The following FGGY variants were observed in gnomAD, a reference collection of about 807,000 sequenced individuals.
FGGY encodes the protein FGGY carbohydrate kinase domain containing.
Under a neutral mutation model 71.3 loss-of-function variants are expected in FGGY, and 72 were observed. The ratio of observed to expected loss-of-function variants is 1.01; its 90% confidence interval spans 0.84 to 1.23. FGGY has a LOEUF of 1.23. Ranked by LOEUF, FGGY falls within the 50% of genes most tolerant of loss-of-function variation. FGGY has a pLI of 0.00. For synonymous variants in FGGY, 251 were observed against 250.3 expected (o/e 1.00, Z -0.02); for missense variants, 668 against 682.3 (o/e 0.98, Z 0.23).
chr1:59,299,818 G>T (rs1008593346), intron 1 of FGGY, among the ~76,000 whole-genome samples: 3 of 152,152 alleles, frequency 2.0e-5, no homozygotes. Context: ...AGAGAGTGAC[G>T]ATGTGAGTGG....
chr1:59,589,953 G>A (rs1335629391), intron 8 of FGGY, among the ~76,000 whole-genome samples: 2 of 152,012 alleles, frequency 1.3e-5, no homozygotes, highest in African/African-American at 4.8e-5. Flanking sequence ...AGAACTGAAG[G>A]AAATAGAGAC....
At position 59,705,519 on chromosome 1, in the gene FGGY, T is replaced by C. The variant is rs1447167367; in HGVS notation, c.1512+31386T>C. Among the ~76,000 whole-genome samples the C allele has an allele frequency of 2.0e-5, 3 of 152,200 alleles. No individual in the cohort carries two copies. In the East Asian group the frequency reaches 5.8e-4, roughly 29 times the overall value. On this transcript the variant is annotated intron_variant, in intron 14 of 15. Transcript: ENST00000303721. The stretch of plus-strand genomic sequence containing the variant: ...GTCCCTGTGTTTGTTAAAGACATTC[T>C]TAGTAATTTTATCATTAATTATGGG...
At position 59,690,171 on chromosome 1, in the gene FGGY, G is replaced by A. The variant is rs545943089; in HGVS notation, c.1512+16038G>A. On this transcript the variant is annotated intron_variant, in intron 14 of 15. Coordinates refer to ENST00000303721, the MANE Select transcript of FGGY (RefSeq NM_018291.5). ...ACTAGGAAACAACAGGCTTTAGTGA[G>A]GTTCCAACATATTATAGTATGGTGG... Among the ~76,000 whole-genome samples the A allele has an allele frequency of 7.4e-4, 112 of 152,254 alleles. 1 individual carries two copies. Among genetic ancestry groups the A allele is most frequent in the African/African-American group, 2.6e-3 (108 of 41,536 alleles).
At chr1:59,532,488 A>C (rs1432117045) in intron 7 of FGGY, among the ~76,000 whole-genome samples, 1 of 152,212 alleles carries the variant, frequency 6.6e-6, no homozygotes, top group Non-Finnish European at 1.5e-5. Context: ...CAAAACTTAT[A>C]AAAGAACTCA....
chr1:59,317,489 T>G (rs1175110235), intron 1 of FGGY, among the ~76,000 whole-genome samples: 1 of 152,230 alleles, frequency 6.6e-6, no homozygotes, highest in African/African-American at 2.4e-5. Flanking sequence ...AAAGGAATAA[T>G]GCTTTCCACT....
intron 11 of FGGY, among the ~76,000 whole-genome samples, chr1:59,653,402 G>A (rs553931909): frequency 6.6e-6 from 1 of 152,148 alleles, no homozygotes; most frequent in East Asian, 1.9e-4. Context: ...AGCAATCAGC[G>A]AGATTCTGTG....
At chr1:59,733,239 A>G (rs936625642) in intron 14 of FGGY, 5 of 153,942 alleles carry the variant, frequency 3.2e-5, no homozygotes, top group South Asian at 2.0e-4. Flanking sequence ...ATGTGCATCA[A>G]GCCAGAAGAC....
chr1:59,355,642 G>A (rs1012091275), intron 4 of FGGY, among the ~76,000 whole-genome samples: 7 of 151,944 alleles, frequency 4.6e-5, no homozygotes, highest in African/African-American at 1.7e-4. Flanking sequence ...TAGTGACACA[G>A]TGTAACAGCA....
At chr1:59,738,969 C>G (rs1231804175) in intron 14 of FGGY, among the ~76,000 whole-genome samples, 1 of 152,182 alleles carries the variant, frequency 6.6e-6, no homozygotes, top group African/African-American at 2.4e-5. Context: ...TCTGCCTTTC[C>G]TGCCCAAACC....
At chr1:59,324,617 T>G (rs1174492465) in intron 2 of FGGY, among the ~76,000 whole-genome samples, 1 of 152,186 alleles carries the variant, frequency 6.6e-6, no homozygotes, top group Non-Finnish European at 1.5e-5. Flanking sequence ...TCTCTCTGTT[T>G]TGAAGATAGA....
At chr1:59,405,872 C>G (rs1468897607) in intron 5 of FGGY, among the ~76,000 whole-genome samples, 1 of 151,968 alleles carries the variant, frequency 6.6e-6, no homozygotes, top group Non-Finnish European at 1.5e-5. Flanking sequence ...ACGATGATCT[C>G]CCGTTAGGCT....
chr1:59,475,104 C>A (rs1454643825), intron 6 of FGGY, among the ~76,000 whole-genome samples: 1 of 152,136 alleles, frequency 6.6e-6, no homozygotes, highest in Non-Finnish European at 1.5e-5. Context: ...TTGAATAATC[C>A]CAGGTAATTA....
chr1:59,505,997 G>A (rs1420329305), intron 6 of FGGY, among the ~76,000 whole-genome samples: 3 of 152,020 alleles, frequency 2.0e-5, no homozygotes, highest in Non-Finnish European at 4.4e-5. Context: ...GCAGACTTGA[G>A]CCTAAGAGCT....
rs2153584444 is a variant in FGGY at position 59,490,991 on chromosome 1, CT to C, written c.671-21318del. On this transcript the variant is annotated intron_variant, in intron 6 of 15. Transcript: ENST00000303721. ...TGCCTCCAGCCTGCTTGCTTGCTTG[CT>C]TGCTTCCTTTCCTTTCCTTTCCTTT... Among the ~76,000 whole-genome samples the C allele has an allele frequency of 1.6e-5, 2 of 123,012 alleles. 1 individual carries two copies. Among genetic ancestry groups the C allele is most frequent in the African/African-American group, 6.5e-5 (2 of 30,688 alleles). The allele number at this position is 123,012 out of a possible 152,430, so 80.7% of individuals were successfully genotyped here.
intron 7 of FGGY, among the ~76,000 whole-genome samples, chr1:59,543,444 T>C (rs1354085417): frequency 6.6e-6 from 1 of 152,218 alleles, no homozygotes; most frequent in African/African-American, 2.4e-5. Flanking sequence ...GATAAATTAA[T>C]CAGTCTAGAG....
chr1:59,618,947 T>A (rs2096783238), intron 9 of FGGY, among the ~76,000 whole-genome samples: 1 of 152,074 alleles, frequency 6.6e-6, no homozygotes, highest in Non-Finnish European at 1.5e-5. Flanking sequence ...CAAAAACAAA[T>A]GCCTCCCTGT....
Position 59,464,953 on chromosome 1 carries a change from A to G in FGGY, c.670+7877A>G, listed in dbSNP as rs535278170. On this transcript the variant is annotated intron_variant, in intron 6 of 15. Transcript: ENST00000303721. Reference sequence around the variant, plus strand: ...ACTTCTACAAAGAGGAGCTGCTACCATTCCTTCTGAAACTATTCCAATCAA... The same window carrying G: ...ACTTCTACAAAGAGGAGCTGCTACCGTTCCTTCTGAAACTATTCCAATCAA... Among the ~76,000 whole-genome samples the G allele has an allele frequency of 3.9e-5, 6 of 152,366 alleles. No individual in the cohort carries two copies. In the South Asian group the frequency reaches 1.2e-3, roughly 32 times the overall value.
chr1:59,438,130 A>T (rs752015192), intron 5 of FGGY, among the ~76,000 whole-genome samples: 1 of 152,204 alleles, frequency 6.6e-6, no homozygotes, highest in Non-Finnish European at 1.5e-5. Context: ...ACTACAGTCT[A>T]TTCCTCACCA....
chr1:59,609,329 G>A (rs138401108), intron 9 of FGGY, among the ~76,000 whole-genome samples: 1 of 152,302 alleles, frequency 6.6e-6, no homozygotes, highest in Non-Finnish European at 1.5e-5. Flanking sequence ...AGGAACCAGT[G>A]AAAGGTTAGA....
Sources: gnomAD v4.1 joint callset for allele counts (sites outside exome capture counted in the v4.1 genomes callset) on GRCh38, gnomAD v4.1.1 for gene constraint, MANE v1.5 for transcripts, NCBI Gene and HGNC (gene_info 2026-07-23, HGNC 2026-07-21) for gene names.